Variants in SLC2A13 observed in about 807,000 individuals in gnomAD.
The protein encoded by SLC2A13 is solute carrier family 2 member 13.
SLC2A13 carries 32 observed loss-of-function variants against 64.4 expected under a neutral mutation model. That is an observed-to-expected ratio of 0.50 (90% CI 0.37 to 0.67). The LOEUF (loss-of-function observed/expected upper bound fraction) is 0.67. SLC2A13 is among the 30% of genes least tolerant of loss of function. The pLI, the probability that SLC2A13 is intolerant of heterozygous loss-of-function variation, is 0.00. For missense variants in SLC2A13, 743 were observed against 829.2 expected, an observed-to-expected ratio of 0.90 and a Z score of 1.28; for synonymous variants, 338 against 327.1, an observed-to-expected ratio of 1.03 and a Z score of -0.36.
rs184067001 is a variant in SLC2A13, at chr12:39,816,584, A to T, written c.1445+13519T>A. Among the ~76,000 whole-genome samples, 486 of 150,378 alleles carry T rather than the reference A, an allele frequency of 3.2e-3. 2 individuals are homozygous for T. The highest frequency in any genetic ancestry group is 0.011 in the African/African-American group (462 of 40,710). ...CCCTAGAACTTACTTAAAGTATAAT[A>T]AAAAAAAAGAAAGAAAAATCAAGGG... On this transcript the variant is annotated intron_variant, in intron 7 of 9. Coordinates refer to ENST00000280871, the MANE Select transcript of SLC2A13 (RefSeq NM_052885.4).
chr12:40,010,897 G>A (rs979606397), intron 3 of SLC2A13, among the ~76,000 whole-genome samples: 3 of 152,142 alleles, frequency 2.0e-5, no homozygotes, highest in African/African-American at 7.2e-5. Context: ...CTGTGAGTGT[G>A]TTGTGTTTTA....
At chr12:39,975,086 A>G (rs549215571) in intron 3 of SLC2A13, among the ~76,000 whole-genome samples, 1 of 152,234 alleles carries the variant, frequency 6.6e-6, no homozygotes, top group Non-Finnish European at 1.5e-5. Context: ...AGGCCTGGAA[A>G]GGGCTGAATT....
intron 1 of SLC2A13, among the ~76,000 whole-genome samples, chr12:40,077,720 T>C (rs1042078944): frequency 2.0e-5 from 3 of 152,160 alleles, no homozygotes; most frequent in Non-Finnish European, 4.4e-5. Context: ...GAAATAGCAT[T>C]GAATCTGTAA....
chr12:39,896,508 ACATG>A (rs1327277044), intron 4 of SLC2A13, among the ~76,000 whole-genome samples: 5 of 144,184 alleles, frequency 3.5e-5, no homozygotes, highest in Non-Finnish European at 6.1e-5. Flanking sequence ...ATATGTATGT[ACATG>A]TGTGTATACA....
At chr12:39,938,641 A>G (rs531488293) in intron 4 of SLC2A13, among the ~76,000 whole-genome samples, 1 of 152,008 alleles carries the variant, frequency 6.6e-6, no homozygotes, top group East Asian at 1.9e-4. Context: ...ATGAATCTCC[A>G]ATTTTTATTG....
chr12:39,799,557 A>G (rs1474600694), intron 7 of SLC2A13, among the ~76,000 whole-genome samples: 1 of 152,200 alleles, frequency 6.6e-6, no homozygotes, highest in East Asian at 1.9e-4. Context: ...TAAAGTAAAC[A>G]AGAAGATAGC....
chr12:39,799,019 T>C (rs1412359735), intron 7 of SLC2A13, among the ~76,000 whole-genome samples: 7 of 150,862 alleles, frequency 4.6e-5, no homozygotes, highest in Non-Finnish European at 1.0e-4. Context: ...TTCTCCCCAT[T>C]ATCCCCACTT....
intron 3 of SLC2A13, among the ~76,000 whole-genome samples, chr12:40,011,934 G>A (rs769579961): frequency 5.3e-5 from 8 of 152,138 alleles, no homozygotes; most frequent in Admixed American, 4.6e-4. Flanking sequence ...CAGAGGTCGC[G>A]TGTCCATGAA....
chr12:40,079,858 T>TAA (rs1938329028), intron 1 of SLC2A13, among the ~76,000 whole-genome samples: 1 of 152,204 alleles, frequency 6.6e-6, no homozygotes, highest in African/African-American at 2.4e-5. Flanking sequence ...TGTAATGTCC[T>TAA]TCTTTGTCCT....
intron 7 of SLC2A13, among the ~76,000 whole-genome samples, chr12:39,792,891 T>C (rs1941453279): frequency 6.6e-6 from 1 of 152,120 alleles, no homozygotes; most frequent in Non-Finnish European, 1.5e-5. Flanking sequence ...TCTATCAATG[T>C]GGGGCTTCTC....
intron 3 of SLC2A13, among the ~76,000 whole-genome samples, chr12:39,987,449 TG>T (rs748184804): frequency 6.6e-6 from 1 of 152,164 alleles, no homozygotes; most frequent in Non-Finnish European, 1.5e-5. Context: ...TCAAATGAAA[TG>T]TGTCAAAAGC....
intron 7 of SLC2A13, among the ~76,000 whole-genome samples, chr12:39,807,974 C>A (rs1942030570): frequency 6.6e-6 from 1 of 152,082 alleles, no homozygotes; most frequent in Non-Finnish European, 1.5e-5. Context: ...GTACTTTAAT[C>A]ATCTATTCAT....
intron 4 of SLC2A13, among the ~76,000 whole-genome samples, chr12:39,944,036 T>C (rs1946091748): frequency 6.6e-6 from 1 of 152,222 alleles, no homozygotes; most frequent in South Asian, 2.1e-4. Flanking sequence ...GAGGTTTTGA[T>C]AGGTTGTGTC....
intron 7 of SLC2A13, among the ~76,000 whole-genome samples, chr12:39,778,780 C>A (rs959114041): frequency 1.3e-5 from 2 of 152,120 alleles, no homozygotes; most frequent in Non-Finnish European, 2.9e-5. Flanking sequence ...AAGTGGCTAT[C>A]AACTTAAATA....
intron 4 of SLC2A13, among the ~76,000 whole-genome samples, chr12:39,946,327 T>C (rs1249846246): frequency 6.6e-6 from 1 of 152,226 alleles, no homozygotes; most frequent in Non-Finnish European, 1.5e-5. Context: ...TCTATTTTTG[T>C]GCTGGTTGGC....
rs374608072 is a variant in SLC2A13 at position 39,760,015 on chromosome 12, G to A, written c.*11C>T. ...TTTGTTTAAATAACTAAATATATGA[G>A]CAGCTGAAAATTATTCCACATCAGA... On this transcript the variant is annotated 3_prime_UTR_variant, in exon 10 of 10. Transcript: ENST00000280871. 79 of 1,599,894 alleles carry A rather than the reference G, an allele frequency of 4.9e-5. No individual in the cohort carries two copies. Among genetic ancestry groups the A allele is most frequent in the Non-Finnish European group, 6.5e-5 (76 of 1,168,338 alleles).
chr12:39,813,739 C>A (rs73092132), intron 7 of SLC2A13, among the ~76,000 whole-genome samples: 2 of 152,112 alleles, frequency 1.3e-5, no homozygotes. Flanking sequence ...ACTTGAAACA[C>A]GGCTGCAGCC....
chr12:39,938,263 G>A (rs2136081850), intron 4 of SLC2A13, among the ~76,000 whole-genome samples: 1 of 152,288 alleles, frequency 6.6e-6, no homozygotes, highest in African/African-American at 2.4e-5. Flanking sequence ...GACCTGAGAA[G>A]TTATTATGTA....
intron 3 of SLC2A13, among the ~76,000 whole-genome samples, chr12:39,979,309 C>G (rs1311872579): frequency 6.8e-6 from 1 of 147,838 alleles, no homozygotes; most frequent in Admixed American, 6.8e-5. Context: ...AGCAACGGAA[C>G]AAAGCTGGAT....
Sources: gnomAD v4.1 joint callset for allele counts (sites outside exome capture counted in the v4.1 genomes callset) on GRCh38, gnomAD v4.1.1 for gene constraint, MANE v1.5 for transcripts, NCBI Gene and HGNC (gene_info 2026-07-23, HGNC 2026-07-21) for gene names.